Variants in CDCA3 observed in about 807,000 individuals in gnomAD.
The protein encoded by CDCA3 is cell division cycle-associated protein 3.
A neutral mutation model predicts 29.1 loss-of-function variants in CDCA3; 16 were observed. The ratio of observed to expected loss-of-function variants is 0.55; its 90% CI spans 0.37 to 0.83. CDCA3 has a LOEUF of 0.83. Ranked by LOEUF, CDCA3 falls within the 40% of genes least tolerant of loss-of-function variation. The pLI is 0.00. For synonymous variants in CDCA3, 88 were observed against 124.5 expected, an observed-to-expected ratio of 0.71 and a Z score of 1.95; for missense variants, 291 against 327.2, an observed-to-expected ratio of 0.89 and a Z score of 0.85.
rs1943820040 is a variant in CDCA3, at chr12:6,850,335, G to C, written c.250+132C>G. ...ACCCAGGCTGGGAACAAAATATTGA[G>C]ATAAGAGTGAGATGGGTCCGAAGCA... On this transcript the variant is annotated intron_variant, in intron 3 of 5. Transcript: ENST00000538862. The surrounding 1 kb of genome is among the most constrained non-coding windows in gnomAD (Gnocchi z 4.7). 2 of 1,210,488 alleles carry C rather than the reference G, an allele frequency of 1.7e-6. No homozygotes were observed. The highest frequency in any genetic ancestry group is 2.3e-6 in the Non-Finnish European group (2 of 852,656). The allele number at this position is 1,210,488 out of a possible 1,614,324, so 75.0% of individuals were successfully genotyped here. A position where few individuals can be genotyped will look rare whatever the true frequency, so the allele number is the denominator to read the frequency against.
downstream of CDCA3, chr12:6,845,582 T>C: frequency 6.2e-7 from 1 of 1,604,326 alleles, no homozygotes; most frequent in South Asian, 1.1e-5. Context: ...ACCCGTGCCC[T>C]CAGTTCTTCC....
chr12:6,850,361 G>T lies in CDCA3; in HGVS notation c.250+106C>A. 2 of 1,413,634 alleles carry T rather than the reference G, an allele frequency of 1.4e-6. No homozygotes were observed. Among genetic ancestry groups the T allele is most frequent in the Non-Finnish European group, 2.0e-6 (2 of 1,017,054 alleles). The allele number at this position is 1,413,634 out of a possible 1,614,324, so 87.6% of individuals were successfully genotyped here. A position where few individuals can be genotyped will look rare whatever the true frequency, so the allele number is the denominator to read the frequency against. Reference sequence around the variant, plus strand: ...ATAAGAGTGAGATGGGTCCGAAGCAGGAGGATAGAGGCCCCTTTAAGGAAC... The same window carrying T: ...ATAAGAGTGAGATGGGTCCGAAGCATGAGGATAGAGGCCCCTTTAAGGAAC... On this transcript the variant is annotated intron_variant, in intron 3 of 5. Transcript: ENST00000538862. This position sits in a 1 kb window ranked among gnomAD's most constrained non-coding sequence, Gnocchi z 4.7.
At position 6,849,830 on chromosome 12, in the gene CDCA3, C is replaced by T. The variant is rs782001440; in HGVS notation, c.279G>A (p.Leu93=). Residue 93 remains leucine, a synonymous_variant, in exon 4 of 6, where the codon CTG becomes CTA. Coordinates refer to ENST00000538862, the MANE Select transcript of CDCA3 (RefSeq NM_031299.7). This position sits in a 1 kb window ranked among gnomAD's most constrained non-coding sequence, Gnocchi z 5.2. ...GDPPSPLVKQ[L]SEVFETEDSK... is the part of the protein sequence containing the mutation. The stretch of plus-strand genomic sequence containing the variant: ...AGTCTTCAGTTTCAAATACTTCACT[C>T]AGCTGTTTCACCAGTGGGCTTGGGG... 2 of 1,554,406 alleles carry T rather than the reference C, an allele frequency of 1.3e-6. No individual in the cohort carries two copies. The highest frequency in any genetic ancestry group is 1.7e-6 in the Non-Finnish European group (2 of 1,147,690).
chr12:6,846,871 G>A, downstream of CDCA3: 1 of 1,595,158 alleles, frequency 6.3e-7, no homozygotes, highest in Non-Finnish European at 8.5e-7. Flanking sequence ...CAGGTTCCTG[G>A]GACAGCTTCC....
At position 6,849,145 on chromosome 12, in the gene CDCA3, G is replaced by GGCTCCTTCCTTTAGTTCACT; in HGVS notation, c.685_704dup (p.Ile236ValfsTer3). On this transcript the variant is annotated stop_gained and frameshift_variant, in exon 6 of 6. Transcript: ENST00000538862. LOFTEE classifies it high-confidence loss of function. The surrounding 1 kb of genome is among the most constrained non-coding windows in gnomAD (Gnocchi z 5.2). ...TCAGAAGTCGTCCAGTTCCAAGAAT[G>GGCTCCTTCCTTTAGTTCACT]GCTCCTTCCTTTAGTTCACTAACAT... 6.2e-7 allele frequency: 1 copy of GGCTCCTTCCTTTAGTTCACT among 1,612,298 alleles called. No homozygotes were observed.
Position 6,849,710 on chromosome 12 carries a change from C to T in CDCA3, c.399G>A (p.Glu133=), listed in dbSNP as rs782267972. 1.9e-6 allele frequency: 3 copies of T among 1,614,086 alleles called. No homozygotes were observed. The Admixed American group carries it at 5.0e-5, about 27-fold the overall frequency. ...DLPLGTQLSV[E]EQMPPWNQTE... ...TCTGGTTCCAAGGTGGCATCTGTTC[C>T]TCAACAGATAACTGGGTACCCAGAG... is the stretch of plus-strand genomic sequence containing the variant. Residue 133 remains glutamate, a synonymous_variant, in exon 4 of 6, where the codon GAG becomes GAA. Coordinates refer to ENST00000538862, the MANE Select transcript of CDCA3 (RefSeq NM_031299.7). This position sits in a 1 kb window ranked among gnomAD's most constrained non-coding sequence, Gnocchi z 5.2.
At chr12:6,846,682 C>A (rs1943708051), downstream of CDCA3, 1 of 635,262 alleles carries the variant, frequency 1.6e-6, no homozygotes, top group African/African-American at 2.2e-5. Context: ...CCCCCACACA[C>A]CCACATACAC....
downstream of CDCA3, chr12:6,848,818 G>A: frequency 1.8e-6 from 1 of 546,414 alleles, no homozygotes; most frequent in South Asian, 2.3e-5. Context: ...CTCGGTGCAA[G>A]GTTTACATAT....
Position 6,850,709 on chromosome 12 carries a change from G to A in CDCA3, c.121-113C>T. The A allele has an allele frequency of 6.3e-7, 1 of 1,577,248 alleles. No individual in the cohort carries two copies. Among genetic ancestry groups the A allele is most frequent in the Non-Finnish European group, 8.7e-7 (1 of 1,155,076 alleles). ...TCAGATATCCAGCCTACCCCACACA[G>A]ATTGAGATTGCAGAAAATAAGGCTA... On this transcript the variant is annotated intron_variant, in intron 2 of 5. Coordinates refer to ENST00000538862, the MANE Select transcript of CDCA3 (RefSeq NM_031299.7). The surrounding 1 kb of genome is among the most constrained non-coding windows in gnomAD (Gnocchi z 4.7).
downstream of CDCA3, chr12:6,847,023 G>C: frequency 1.5e-6 from 1 of 647,840 alleles, no homozygotes; most frequent in East Asian, 2.7e-5. Flanking sequence ...TCTCCTTTGA[G>C]GGCAGTGGGG....
Position 6,849,284 on chromosome 12 carries a change from G to A in CDCA3, c.651+39C>T, listed in dbSNP as rs375387518. The A allele has an allele frequency of 1.2e-4, 185 of 1,595,246 alleles. No homozygotes were observed. Among genetic ancestry groups the A allele is most frequent in the Non-Finnish European group, 1.5e-4 (171 of 1,168,562 alleles). The stretch of plus-strand genomic sequence containing the variant: ...AAAAGGGTCTCCCACCCTCTACGTT[G>A]GATATCCTAGTAACAGCTTGCACTT... On this transcript the variant is annotated intron_variant, in intron 5 of 5. Coordinates refer to ENST00000538862, the MANE Select transcript of CDCA3 (RefSeq NM_031299.7). This position sits in a 1 kb window ranked among gnomAD's most constrained non-coding sequence, Gnocchi z 5.2.
Position 6,849,155 on chromosome 12 carries a change from T to C in CDCA3, c.695A>G (p.Lys232Arg). The change falls in exon 6 of 6, where the codon AAG (lysine) becomes AGG (arginine). Residue 232 changes from lysine to arginine, a missense_variant. Lys to Arg is a conservative substitution (Grantham distance 26, BLOSUM62 2). Transcript: ENST00000538862. The surrounding 1 kb of genome is among the most constrained non-coding windows in gnomAD (Gnocchi z 5.2). ...SPLSENVSEL[K>R]EGAILGTGRL... is the part of the protein sequence containing the mutation. ...TCCAGTTCCAAGAATGGCTCCTTCC[T>C]TTAGTTCACTAACATTTTCACTTAG... 6.2e-7 allele frequency: 1 copy of C among 1,613,834 alleles called. No homozygotes were observed. The highest frequency in any genetic ancestry group is 8.5e-7 in the Non-Finnish European group (1 of 1,179,684).
At chr12:6,845,417 C>CGT (rs1943666790), downstream of CDCA3, 1 of 609,146 alleles carries the variant, frequency 1.6e-6, no homozygotes, top group East Asian at 2.8e-5. Flanking sequence ...GTCACTGGCA[C>CGT]GTGGTATGTG....
Position 6,848,860 on chromosome 12 carries a change from C to T in CDCA3, c.*183G>A, listed in dbSNP as rs893619064. On this transcript the variant is annotated 3_prime_UTR_variant, in exon 6 of 6. Coordinates refer to ENST00000538862, the MANE Select transcript of CDCA3 (RefSeq NM_031299.7). ...TTAAAGTAACATTTAAAATTACTTC[C>T]TTTAATATAAAAGAAACACACAAGA... The T allele has an allele frequency of 2.8e-5, 16 of 578,300 alleles. No homozygotes were observed. Among genetic ancestry groups the T allele is most frequent in the Non-Finnish European group, 4.6e-5 (15 of 326,874 alleles). The allele number at this position is 578,300 out of a possible 1,614,324, so 35.8% of individuals were successfully genotyped here. A position where few individuals can be genotyped will look rare whatever the true frequency, so the allele number is the denominator to read the frequency against.
chr12:6,846,399 C>A (rs927393443), downstream of CDCA3: 2 of 175,062 alleles, frequency 1.1e-5, no homozygotes, highest in Non-Finnish European at 1.2e-5. Context: ...GAACGGTTGC[C>A]TTCTCTTTTC....
downstream of CDCA3, chr12:6,846,701 C>CACA (rs138991440): frequency 8.3e-5 from 57 of 683,792 alleles, no homozygotes; most frequent in African/African-American, 7.4e-4. Context: ...ACACACACAC[C>CACA]CACACACCCA....
In CDCA3 at chr12:6,849,177, T is replaced by C; in HGVS notation, c.673A>G (p.Ser225Gly). The change falls in exon 6 of 6, where the codon AGT (serine) becomes GGT (glycine). Residue 225 changes from serine (S) to glycine (G), a missense_variant. By Grantham distance (56) the Ser-to-Gly change is moderately conservative. Coordinates refer to ENST00000538862, the MANE Select transcript of CDCA3 (RefSeq NM_031299.7). This position sits in a 1 kb window ranked among gnomAD's most constrained non-coding sequence, Gnocchi z 5.2. ...TCCTTTAGTTCACTAACATTTTCAC[T>C]TAGGGGTGAAGGCCGCTTACCCTGA... ...LRQGKRPSPL[S>G]ENVSELKEGA... The C allele has an allele frequency of 6.2e-7, 1 of 1,614,180 alleles. No individual in the cohort carries two copies. Among genetic ancestry groups the C allele is most frequent in the East Asian group, 2.2e-5 (1 of 44,882 alleles).
rs376349479 is a variant in CDCA3, at chr12:6,850,595, A to C, written c.122T>G (p.Val41Gly). Residue 41 changes from valine (V) to glycine (G), a missense_variant and splice_region_variant, in exon 3 of 6, where the codon GTG (valine) becomes GGG (glycine). Coordinates refer to ENST00000538862, the MANE Select transcript of CDCA3 (RefSeq NM_031299.7). The surrounding 1 kb of genome is among the most constrained non-coding windows in gnomAD (Gnocchi z 4.7). ...TAGGCCTGGCTGTGGAGAGCTCTCC[A>C]CCTGTCAAGACCATAGGCTAGAACA... ...SAGILRTPIQ[V>G]ESSPQPGLPA... The C allele has an allele frequency of 3.7e-6, 6 of 1,613,782 alleles. No homozygotes were observed. Among genetic ancestry groups the C allele is most frequent in the African/African-American group, 1.3e-5 (1 of 74,798 alleles).
chr12:6,849,084 G>C lies in CDCA3; in HGVS notation c.766C>G (p.His256Asp). 7.5e-7 allele frequency: 1 copy of C among 1,329,450 alleles called. No individual in the cohort carries two copies. The highest frequency in any genetic ancestry group is 1.2e-5 in the South Asian group (1 of 85,448). 82.4% of individuals were successfully genotyped at this position (1,329,450 alleles called of 1,614,324 possible). A position where few individuals can be genotyped will look rare whatever the true frequency, so the allele number is the denominator to read the frequency against. Reference sequence around the variant, plus strand: ...GGAAAGTGCTGATTTTCCTTGTCATGGTCCTGGCCTTGCTCCCATGCTCGT... The same window carrying C: ...GGAAAGTGCTGATTTTCCTTGTCATCGTCCTGGCCTTGCTCCCATGCTCGT... The part of the protein sequence containing the change: ...GGRAWEQGQD[H>D]DKENQHFPLV... Residue 256 changes from histidine (H) to aspartate (D), a missense_variant, in exon 6 of 6, where the codon CAT becomes GAT. By Grantham distance (81) the His-to-Asp change is moderately conservative (BLOSUM62 -1). Coordinates refer to ENST00000538862, the MANE Select transcript of CDCA3 (RefSeq NM_031299.7). This position sits in a 1 kb window ranked among gnomAD's most constrained non-coding sequence, Gnocchi z 5.2.
Sources: gnomAD v4.1 joint callset for allele counts on GRCh38, gnomAD v4.1.1 for gene constraint, Gnocchi (gnomAD v3.1) non-coding constraint, MANE v1.5 for transcripts, NCBI Gene and HGNC (gene_info 2026-07-23, HGNC 2026-07-21) for gene names.